The following BNC2 variants were observed in gnomAD, a reference collection of about 807,000 sequenced individuals.
BNC2 encodes the protein basonuclin zinc finger protein 2.
BNC2 carries 20 observed loss-of-function variants against 76.3 expected under a neutral mutation model. That is an observed-to-expected ratio of 0.26 (90% CI 0.18 to 0.38). The LOEUF (loss-of-function observed/expected upper bound fraction) is 0.38. BNC2 is among the 10% of genes least tolerant of loss of function. The pLI, the probability that BNC2 is intolerant of heterozygous loss-of-function variation, is 1.00. For synonymous variants in BNC2, 582 were observed against 514.8 expected (o/e 1.13, Z -1.77); for missense variants, 1,382 against 1,399.8 (o/e 0.99, Z 0.20).
intron 6 of BNC2, among the ~76,000 whole-genome samples, chr9:16,433,992 A>T (rs1245856151): frequency 1.3e-5 from 2 of 152,200 alleles, no homozygotes; most frequent in Non-Finnish European, 2.9e-5. Flanking sequence ...GTATTTTATT[A>T]TTCAAAATAT....
At chr9:16,745,825 G>A (rs961266384) in intron 1 of BNC2, among the ~76,000 whole-genome samples, 6 of 152,176 alleles carry the variant, frequency 3.9e-5, no homozygotes, top group Non-Finnish European at 5.9e-5. Context: ...TGTATCAGGG[G>A]CCCTGCTGGA....
chr9:16,794,325 G>A (rs940474155), intron 1 of BNC2, among the ~76,000 whole-genome samples: 1 of 152,146 alleles, frequency 6.6e-6, no homozygotes, highest in South Asian at 2.1e-4. Context: ...AATCACTGCC[G>A]AGGGGAATGC....
At chr9:16,788,939 C>G (rs1817423879) in intron 1 of BNC2, among the ~76,000 whole-genome samples, 2 of 152,164 alleles carry the variant, frequency 1.3e-5, no homozygotes, top group African/African-American at 4.8e-5. Flanking sequence ...TCCTTGGCAT[C>G]TCTATTCCCT....
intron 5 of BNC2, among the ~76,000 whole-genome samples, chr9:16,476,609 C>T (rs933765243): frequency 1.3e-5 from 2 of 151,794 alleles, no homozygotes; most frequent in Non-Finnish European, 2.9e-5. Context: ...ACTGTCCCCT[C>T]CCCCTAGTCT....
rs375170372 is a variant in BNC2, at chr9:16,845,517, C to G, written c.3+25129G>C. ...CGGGCGGATCACAAGGTCAGGAGAT[C>G]GAGACCATCCTGGCTAACACAGTGA... On this transcript the variant is annotated intron_variant, in intron 1 of 6. Transcript: ENST00000380672. Among the ~76,000 whole-genome samples, 8 of 149,710 alleles carry G rather than the reference C, an allele frequency of 5.3e-5. No individual in the cohort carries two copies. The South Asian group carries it at 6.4e-4, about 12-fold the overall frequency.
At chr9:16,687,909 G>T (rs1350154299) in intron 3 of BNC2, among the ~76,000 whole-genome samples, 1 of 152,208 alleles carries the variant, frequency 6.6e-6, no homozygotes, top group Non-Finnish European at 1.5e-5. Context: ...ATAAAGGTCT[G>T]TGAGTAAGTT....
intron 5 of BNC2, among the ~76,000 whole-genome samples, chr9:16,519,573 T>C (rs7044658): frequency 0.47 from 70,765 of 151,990 alleles, 18,214 homozygotes; most frequent in African/African-American, 0.69. Flanking sequence ...CTGCTGCTGA[T>C]CAAGTGAAAC....
Position 16,437,163 on chromosome 9 carries a change from A to C in BNC2, c.1031T>G (p.Leu344Arg), listed in dbSNP as rs1821035173. Residue 344 changes from leucine to arginine, a missense_variant, in exon 6 of 7, where the codon CTG (leucine) becomes CGG (arginine). Transcript: ENST00000380672. The stretch of plus-strand genomic sequence containing the variant: ...CAGCCTCAACCCTGGTTGCTCTAAC[A>C]GTAGCCCATTTGGAGGCAACCCTAG... Reference protein sequence around the residue: ...PLLGLPPNGLLLEQPGLRLRE... With the variant: ...PLLGLPPNGLRLEQPGLRLRE... 1.2e-6 allele frequency: 2 copies of C among 1,614,200 alleles called. No individual in the cohort carries two copies. Among genetic ancestry groups the C allele is most frequent in the Non-Finnish European group, 1.7e-6 (2 of 1,180,036 alleles).
At position 16,414,507 on chromosome 9, in the gene BNC2, CGTTT is replaced by C. The variant is rs1563771200; in HGVS notation, c.*4478_*4481del. 6.6e-6 allele frequency: 1 copy of C among 152,072 alleles called. No individual in the cohort carries two copies. The allele number at this position is 152,072 out of a possible 1,614,324, so 9.4% of individuals were successfully genotyped here. On this transcript the variant is annotated 3_prime_UTR_variant, in exon 7 of 7. Transcript: ENST00000380672. ...ATAAGTGATTTTAAAGAATGAAATT[CGTTT>C]GTCATAATTTTAAAAAAGAAGCTCT...
In BNC2 at chr9:16,785,232, G is replaced by T. The variant is rs981281075; in HGVS notation, c.4-46747C>A. Reference sequence around the variant, plus strand: ...AAGACAAGACTGCCCAAGCCTTAAAGTATCCCACTGGGCAGGTTTGTGCGA... The same window carrying T: ...AAGACAAGACTGCCCAAGCCTTAAATTATCCCACTGGGCAGGTTTGTGCGA... On this transcript the variant is annotated intron_variant, in intron 1 of 6. Coordinates refer to ENST00000380672, the MANE Select transcript of BNC2 (RefSeq NM_017637.6). 5.9e-5 allele frequency among the ~76,000 whole-genome samples: 9 copies of T among 152,284 alleles called. No homozygotes were observed. In the East Asian group the frequency reaches 1.7e-3, roughly 29 times the overall value.
At chr9:16,799,952 C>T (rs1332784103) in intron 1 of BNC2, among the ~76,000 whole-genome samples, 4 of 151,998 alleles carry the variant, frequency 2.6e-5, no homozygotes, top group Non-Finnish European at 4.4e-5. Flanking sequence ...AGGCCGGGCG[C>T]GGTGGCTCAT....
chr9:16,443,628 T>C (rs1821173895), intron 5 of BNC2, among the ~76,000 whole-genome samples: 1 of 152,054 alleles, frequency 6.6e-6, no homozygotes, highest in South Asian at 2.1e-4. Flanking sequence ...GGTAAAGAAA[T>C]TGTGAGATAT....
At chr9:16,562,719 T>C (rs2132701605) in intron 4 of BNC2, among the ~76,000 whole-genome samples, 1 of 152,296 alleles carries the variant, frequency 6.6e-6, no homozygotes, top group Non-Finnish European at 1.5e-5. Flanking sequence ...CTAGCAAAAT[T>C]GATAAATATT....
At chr9:16,518,639 G>C (rs1817517264) in intron 5 of BNC2, among the ~76,000 whole-genome samples, 1 of 151,964 alleles carries the variant, frequency 6.6e-6, no homozygotes, top group African/African-American at 2.4e-5. Context: ...TTTTGAGACA[G>C]AGTCTTGCTG....
At chr9:16,451,994 G>T (rs1307678636) in intron 5 of BNC2, among the ~76,000 whole-genome samples, 1 of 152,218 alleles carries the variant, frequency 6.6e-6, no homozygotes. Flanking sequence ...GGAGGCTAAA[G>T]TGTAAGTAGC....
chr9:16,787,888 A>C (rs1245789748), intron 1 of BNC2, among the ~76,000 whole-genome samples: 1 of 152,188 alleles, frequency 6.6e-6, no homozygotes. Flanking sequence ...TTATTTCCTT[A>C]GCCAGGATGC....
chr9:16,835,644 G>A (rs1020606106), intron 1 of BNC2, among the ~76,000 whole-genome samples: 4 of 152,226 alleles, frequency 2.6e-5, no homozygotes, highest in African/African-American at 9.6e-5. Flanking sequence ...GGAGGTTGCA[G>A]TGAGCAGAGA....
intron 5 of BNC2, among the ~76,000 whole-genome samples, chr9:16,448,360 G>T (rs1432038840): frequency 6.6e-6 from 1 of 152,074 alleles, no homozygotes; most frequent in Non-Finnish European, 1.5e-5. Context: ...TGATGATGGT[G>T]ATTTTACACA....
chr9:16,638,914 T>C (rs1419002584), intron 3 of BNC2, among the ~76,000 whole-genome samples: 1 of 152,124 alleles, frequency 6.6e-6, no homozygotes, highest in African/African-American at 2.4e-5. Context: ...ATAATATAAA[T>C]TGCAAAAGTT....
Sources: gnomAD v4.1 joint callset for allele counts (sites outside exome capture counted in the v4.1 genomes callset) on GRCh38, gnomAD v4.1.1 for gene constraint, MANE v1.5 for transcripts, NCBI Gene and HGNC (gene_info 2026-07-23, HGNC 2026-07-21) for gene names.